CYP2B6: variants seen among roughly 807,000 people sequenced by gnomAD.
CYP2B6 encodes cytochrome P450 family 2 subfamily B member 6, also known as cytochrome P450 2B6.
In CYP2B6, 35 loss-of-function variants were observed where a neutral mutation model predicts 43.4. The ratio of observed to expected loss-of-function variants is 0.81; its 90% CI spans 0.62 to 1.07. The LOEUF (loss-of-function observed/expected upper bound fraction) is 1.07. CYP2B6 is among the 50% of genes least tolerant of loss of function. The pLI is 0.00. For synonymous variants in CYP2B6, 239 were observed against 239.2 expected (o/e 1.00, Z 0.01); for missense variants, 624 against 632.8 (o/e 0.99, Z 0.15).
intron 8 of CYP2B6, 32 bp downstream of exon 8, chr19:41,012,847 A>C: frequency 6.2e-6 from 10 of 1,613,158 alleles, no homozygotes; most frequent in Non-Finnish European, 8.5e-6. Context: ...TTTCCCAGAC[A>C]CCAGAGGGCA....
At chr19:40,996,317 G>A (rs1032449600) in intron 1 of CYP2B6, among the ~76,000 whole-genome samples, 1 of 152,096 alleles carries the variant, frequency 6.6e-6, no homozygotes, top group Non-Finnish European at 1.5e-5. Context: ...TTATTTAACT[G>A]TTTTACCACT....
At chr19:41,016,561 C>T in intron 8 of CYP2B6, 85 bp from the exon 9 acceptor site, 4 of 1,431,998 alleles carry the variant, frequency 2.8e-6, no homozygotes, top group South Asian at 2.3e-5. Flanking sequence ...TTGCAGTGGA[C>T]ATTTGTGTCT....
At chr19:40,994,364 C>A (rs550027449) in intron 1 of CYP2B6, among the ~76,000 whole-genome samples, 1 of 152,216 alleles carries the variant, frequency 6.6e-6, no homozygotes, top group South Asian at 2.1e-4. Flanking sequence ...GGCATTAGAG[C>A]AGAGATCAGT....
At chr19:41,009,958 C>A (rs1969254478) in intron 5 of CYP2B6, 36 bp from the exon 6 acceptor site, 8 of 1,613,660 alleles carry the variant, frequency 5.0e-6, no homozygotes, top group African/African-American at 4.0e-5. Flanking sequence ...TACAGCCTCC[C>A]CTGACCCTCC....
Position 41,016,949 on chromosome 19 carries a change from T to C in CYP2B6, c.*122T>C, listed in dbSNP as rs571199677. 2.0e-6 allele frequency: 2 copies of C among 1,003,694 alleles called. No individual in the cohort carries two copies. The highest frequency in any genetic ancestry group is 2.4e-5 in the Admixed American group (1 of 42,122). 62.2% of individuals were successfully genotyped at this position (1,003,694 alleles called of 1,614,324 possible). On this transcript the variant is annotated 3_prime_UTR_variant, in exon 9 of 9. Coordinates refer to ENST00000324071, the MANE Select transcript of CYP2B6 (RefSeq NM_000767.5). The stretch of plus-strand genomic sequence containing the variant: ...AGAGACCTGCTACAAGCCAGCTTCC[T>C]TCCCCTCCATGGCACCAGTTGTCTG...
At chr19:40,999,948 C>A (rs1467960253) in intron 1 of CYP2B6, among the ~76,000 whole-genome samples, 1 of 152,158 alleles carries the variant, frequency 6.6e-6, no homozygotes, top group Non-Finnish European at 1.5e-5. Flanking sequence ...CCTGCCTCAA[C>A]CTCCCAAAGC....
chr19:41,015,587 G>A (rs531739655), intron 8 of CYP2B6, among the ~76,000 whole-genome samples: 2 of 152,302 alleles, frequency 1.3e-5, no homozygotes, highest in African/African-American at 4.8e-5. Context: ...CCCAATCTGT[G>A]GTTTAGAATC....
At position 41,010,129 on chromosome 19, in the gene CYP2B6, G is replaced by A. The variant is rs1969257905; in HGVS notation, c.958G>A (p.Val320Ile). ...GFLLMLKYPH[V>I]AERVYREIEQ... Reference sequence around the variant, plus strand: ...CCTGCTCATGCTCAAATACCCTCATGTTGCAGGTGGGCCAGGGACAGCCAG... The same window carrying A: ...CCTGCTCATGCTCAAATACCCTCATATTGCAGGTGGGCCAGGGACAGCCAG... The change falls in exon 6 of 9, where the codon GTT becomes ATT. Residue 320 changes from valine (V) to isoleucine (I), a missense_variant. Physicochemically the swap from Val to Ile is conservative, Grantham distance 29. Coordinates refer to ENST00000324071, the MANE Select transcript of CYP2B6 (RefSeq NM_000767.5). The A allele has an allele frequency of 6.2e-7, 1 of 1,613,134 alleles. No homozygotes were observed. The highest frequency in any genetic ancestry group is 8.5e-7 in the Non-Finnish European group (1 of 1,179,990).
In CYP2B6 at chr19:40,991,494, G is replaced by A; in HGVS notation, c.171+18G>A. On this transcript the variant is annotated intron_variant, in intron 1 of 8. Transcript: ENST00000324071. ...TTCTGAGGGTAAGACACAGACGAAT[G>A]GGGTCTGAGGGTGAGCTGCTTCTTG... is the stretch of plus-strand genomic sequence containing the variant. The A allele has an allele frequency of 6.2e-7, 1 of 1,612,690 alleles. No individual in the cohort carries two copies. Among genetic ancestry groups the A allele is most frequent in the Non-Finnish European group, 8.5e-7 (1 of 1,179,744 alleles).
chr19:41,006,996 T>C lies in CYP2B6; in HGVS notation c.576T>C (p.Asp192=). The C allele has an allele frequency of 6.2e-7, 1 of 1,614,028 alleles. No homozygotes were observed. The highest frequency in any genetic ancestry group is 8.5e-7 in the Non-Finnish European group (1 of 1,180,008). The stretch of plus-strand genomic sequence containing the variant: ...TTGGAAAACGATTCCACTACCAAGA[T>C]CAAGAGTTCCTGAAGATGCTGAACT... The part of the protein sequence containing the change: ...IVFGKRFHYQ[D]QEFLKMLNLF... Residue 192 remains aspartate (D), a synonymous_variant, in exon 4 of 9, where the codon GAT becomes GAC. Coordinates refer to ENST00000324071, the MANE Select transcript of CYP2B6 (RefSeq NM_000767.5).
chr19:41,004,210 A>G, intron 2 of CYP2B6, 47 bp downstream of exon 2: 2 of 1,608,026 alleles, frequency 1.2e-6, no homozygotes, highest in Non-Finnish European at 8.5e-7. Context: ...GGGGTGCATC[A>G]GGGAAGGGAG....
intron 6 of CYP2B6, among the ~76,000 whole-genome samples, chr19:41,011,994 T>G (rs543100259): frequency 1.3e-3 from 202 of 152,108 alleles, no homozygotes; most frequent in African/African-American, 4.7e-3. Flanking sequence ...TGTCACCCAG[T>G]CTAGAGTGCA....
At chr19:40,998,213 G>GT (rs1366994015) in intron 1 of CYP2B6, among the ~76,000 whole-genome samples, 1 of 152,070 alleles carries the variant, frequency 6.6e-6, no homozygotes, top group Non-Finnish European at 1.5e-5. Context: ...CTCTCTAAGG[G>GT]TTTTTTCCCA....
chr19:41,011,517 T>C (rs1455618715), intron 6 of CYP2B6, among the ~76,000 whole-genome samples: 2 of 152,246 alleles, frequency 1.3e-5, no homozygotes, highest in Non-Finnish European at 2.9e-5. Context: ...CATCCATGAA[T>C]TGATCTATTG....
chr19:41,001,477 T>C (rs1396989189), intron 1 of CYP2B6, among the ~76,000 whole-genome samples: 9 of 152,140 alleles, frequency 5.9e-5, no homozygotes, highest in South Asian at 2.1e-4. Context: ...TTCCAGATTC[T>C]TTTTGATGTC....
chr19:41,009,825 A>G, intron 5 of CYP2B6, 169 bp from the exon 6 acceptor site: 2 of 690,026 alleles, frequency 2.9e-6, no homozygotes, highest in Non-Finnish European at 5.1e-6. Context: ...GCTGAGAGAG[A>G]TGAGTTAGAG....
At chr19:41,006,603 T>G (rs183593804) in intron 3 of CYP2B6, among the ~76,000 whole-genome samples, 198 of 152,060 alleles carry the variant, frequency 1.3e-3, no homozygotes, top group African/African-American at 4.6e-3. Flanking sequence ...TCTATAGCTG[T>G]GTTGCCTGGG....
In CYP2B6 at chr19:41,017,913, G is replaced by A. The variant is rs1177684850; in HGVS notation, c.*1086G>A. ...CTGTCTCCCAGGCTGGAGTGCTATG[G>A]TGCAATTTTTGTTCACTGCAACCTC... On this transcript the variant is annotated 3_prime_UTR_variant, in exon 9 of 9. Coordinates refer to ENST00000324071, the MANE Select transcript of CYP2B6 (RefSeq NM_000767.5). 2 of 150,604 alleles carry A rather than the reference G, an allele frequency of 1.3e-5. No homozygotes were observed. The highest frequency in any genetic ancestry group is 4.9e-5 in the African/African-American group (2 of 40,752). 9.3% of individuals were successfully genotyped at this position (150,604 alleles called of 1,614,324 possible).
intron 1 of CYP2B6, among the ~76,000 whole-genome samples, chr19:41,002,653 A>G (rs774714793): frequency 1.3e-3 from 202 of 152,160 alleles, no homozygotes; most frequent in African/African-American, 4.6e-3. Context: ...GGCTCAAGCA[A>G]TTCTCTCGTC....
Sources: gnomAD v4.1 joint callset for allele counts (sites outside exome capture counted in the v4.1 genomes callset) on GRCh38, gnomAD v4.1.1 for gene constraint, MANE v1.5 for transcripts, NCBI Gene and HGNC (gene_info 2026-07-23, HGNC 2026-07-21) for gene names.